Variants in EPB41L4A observed in about 807,000 individuals in gnomAD.
EPB41L4A encodes the protein erythrocyte membrane protein band 4.1 like 4A.
A neutral mutation model predicts 108.6 loss-of-function variants in EPB41L4A; 100 were observed. The observed-to-expected ratio is 0.92, with a 90% CI of 0.78 to 1.09. EPB41L4A has a LOEUF of 1.09. EPB41L4A is among the 50% of genes least tolerant of loss of function. The pLI, the probability that EPB41L4A is intolerant of heterozygous loss-of-function variation, is 0.00. For synonymous variants in EPB41L4A, 319 were observed against 289.0 expected, an observed-to-expected ratio of 1.10 and a Z score of -1.05; for missense variants, 1,030 against 842.7, an observed-to-expected ratio of 1.22 and a Z score of -2.75.
intron 13 of EPB41L4A, among the ~76,000 whole-genome samples, chr5:112,207,967 G>T (rs1762549977): frequency 6.6e-6 from 1 of 152,098 alleles, no homozygotes; most frequent in Admixed American, 6.6e-5. Context: ...AAGACATATG[G>T]CTGGGCGCAA....
chr5:112,282,765 A>C (rs1205096127), intron 2 of EPB41L4A, among the ~76,000 whole-genome samples: 1 of 151,878 alleles, frequency 6.6e-6, no homozygotes, highest in African/African-American at 2.4e-5. Context: ...GGAAAAAAGG[A>C]GGCTTTGGTC....
At chr5:112,186,504 T>C (rs1175799737) in intron 17 of EPB41L4A, among the ~76,000 whole-genome samples, 1 of 152,246 alleles carries the variant, frequency 6.6e-6, no homozygotes, top group Non-Finnish European at 1.5e-5. Flanking sequence ...TTACCTTTTT[T>C]TCTAACTGAA....
intron 1 of EPB41L4A, among the ~76,000 whole-genome samples, chr5:112,381,252 C>T (rs1424773268): frequency 6.6e-6 from 1 of 152,110 alleles, no homozygotes; most frequent in African/African-American, 2.4e-5. Context: ...TTTTGGATTG[C>T]AGAATTGTAA....
intron 2 of EPB41L4A, among the ~76,000 whole-genome samples, chr5:112,306,090 G>C (rs76501234): frequency 6.6e-6 from 1 of 152,106 alleles, no homozygotes; most frequent in Non-Finnish European, 1.5e-5. Flanking sequence ...ACTTTAGCAA[G>C]ACAGTCAATC....
At chr5:112,298,477 T>C (rs559705715) in intron 2 of EPB41L4A, among the ~76,000 whole-genome samples, 91 of 152,358 alleles carry the variant, frequency 6.0e-4, no homozygotes, top group African/African-American at 1.9e-3. Context: ...GTTTATGTGA[T>C]GTTTCACATG....
intron 1 of EPB41L4A, among the ~76,000 whole-genome samples, chr5:112,398,094 G>A (rs750024663): frequency 1.3e-5 from 2 of 152,160 alleles, no homozygotes; most frequent in African/African-American, 4.8e-5. Context: ...ACAAGCTGGC[G>A]AAAGCACAGC....
At chr5:112,220,973 T>C (rs1011426005) in intron 12 of EPB41L4A, among the ~76,000 whole-genome samples, 2 of 152,238 alleles carry the variant, frequency 1.3e-5, no homozygotes, top group African/African-American at 4.8e-5. Flanking sequence ...TGTCCATGAA[T>C]ATACACATAT....
rs1760101866 is a variant in EPB41L4A at position 112,164,406 on chromosome 5, G to T, written c.*584C>A. The T allele has an allele frequency of 6.6e-6, 1 of 152,214 alleles. No homozygotes were observed. Among genetic ancestry groups the T allele is most frequent in the Non-Finnish European group, 1.5e-5 (1 of 68,038 alleles). 9.4% of individuals were successfully genotyped at this position (152,214 alleles called of 1,614,324 possible). The stretch of plus-strand genomic sequence containing the variant: ...CAGAATTCCAGAATGTTCATCAGAT[G>T]CATCTGGTCTTGGTTGTGGTGGACA... On this transcript the variant is annotated 3_prime_UTR_variant, in exon 23 of 23. Coordinates refer to ENST00000261486, the MANE Select transcript of EPB41L4A (RefSeq NM_022140.5).
intron 1 of EPB41L4A, among the ~76,000 whole-genome samples, chr5:112,348,906 A>G (rs1757858886): frequency 6.6e-6 from 1 of 152,222 alleles, no homozygotes; most frequent in Admixed American, 6.5e-5. Context: ...GTTTCAAATG[A>G]AGAAGACATG....
chr5:112,214,367 C>CT (rs1747454937), intron 12 of EPB41L4A, among the ~76,000 whole-genome samples: 1 of 152,198 alleles, frequency 6.6e-6, no homozygotes, highest in African/African-American at 2.4e-5. Context: ...ACCACCACTG[C>CT]TTTTTCATTT....
downstream of EPB41L4A, chr5:112,161,510 G>A (rs1580341310): frequency 1.9e-6 from 1 of 519,092 alleles, no homozygotes; most frequent in Non-Finnish European, 3.8e-6. Context: ...CATTCACTTT[G>A]GAAACTAGTG....
intron 21 of EPB41L4A, 24 bp from the exon 22 acceptor site, chr5:112,168,844 T>C: frequency 6.3e-7 from 1 of 1,590,728 alleles, no homozygotes; most frequent in East Asian, 2.2e-5. Context: ...GTTTTAGAAT[T>C]AGTGACTGGA....
At chr5:112,307,985 C>T (rs1186642883) in intron 1 of EPB41L4A, among the ~76,000 whole-genome samples, 1 of 152,110 alleles carries the variant, frequency 6.6e-6, no homozygotes, top group East Asian at 1.9e-4. Context: ...TAGATTAAAG[C>T]TGCTAAAGCT....
chr5:112,289,868 T>C (rs902022204), intron 2 of EPB41L4A, among the ~76,000 whole-genome samples: 4 of 152,258 alleles, frequency 2.6e-5, no homozygotes, highest in Non-Finnish European at 5.9e-5. Flanking sequence ...CCCCTACATT[T>C]TGAGAGGGCT....
chr5:112,265,067 A>T (rs1272216775), intron 5 of EPB41L4A, 51 bp from the exon 6 acceptor site: 1 of 1,434,662 alleles, frequency 7.0e-7, no homozygotes, highest in African/African-American at 1.5e-5. Flanking sequence ...AATAGTCCTT[A>T]AAACATAGAA....
chr5:112,392,163 C>A (rs963879966), intron 1 of EPB41L4A, among the ~76,000 whole-genome samples: 2 of 152,006 alleles, frequency 1.3e-5, no homozygotes, highest in Non-Finnish European at 2.9e-5. Flanking sequence ...GAAACTGCAT[C>A]GACTAATGGG....
rs535502954 is a variant in EPB41L4A, at chr5:112,255,496, T to C, written c.795+3733A>G. ...GAAACTCACCTTGTCAATGATCTCC[T>C]ACATTCCTAAATTCAGTGGCCCATT... On this transcript the variant is annotated intron_variant, in intron 9 of 22. Coordinates refer to ENST00000261486, the MANE Select transcript of EPB41L4A (RefSeq NM_022140.5). Among the ~76,000 whole-genome samples the C allele has an allele frequency of 4.6e-5, 7 of 152,272 alleles. No individual in the cohort carries two copies. In the East Asian group the frequency reaches 1.4e-3, roughly 29 times the overall value.
intron 1 of EPB41L4A, among the ~76,000 whole-genome samples, chr5:112,388,721 T>C (rs1760731949): frequency 6.6e-6 from 1 of 152,178 alleles, no homozygotes; most frequent in Admixed American, 6.5e-5. Context: ...GCTCAACTAT[T>C]ACATGCAGGG....
intron 12 of EPB41L4A, among the ~76,000 whole-genome samples, chr5:112,217,298 TA>T (rs1335583254): frequency 2.0e-5 from 3 of 152,288 alleles, no homozygotes; most frequent in Admixed American, 6.5e-5. Context: ...AAAGCAAAAA[TA>T]AATATTAAAA....
Sources: allele counts gnomAD v4.1 joint callset (sites outside exome capture counted in the v4.1 genomes callset), GRCh38; gene constraint gnomAD v4.1.1; transcripts MANE v1.5; gene names NCBI Gene and HGNC (gene_info 2026-07-23, HGNC 2026-07-21).